ZBTB40: variants seen among roughly 807,000 people sequenced by gnomAD.
The protein encoded by ZBTB40 is zinc finger and BTB domain-containing protein 40.
Under a neutral mutation model 117.5 loss-of-function variants are expected in ZBTB40, and 60 were observed. That is an observed-to-expected ratio of 0.51 (90% CI 0.41 to 0.63). The LOEUF is 0.63. ZBTB40 is among the 30% of genes least tolerant of loss of function. ZBTB40 has a pLI of 0.00. For missense variants in ZBTB40, 1,287 were observed against 1,498.5 expected (o/e 0.86, Z 2.33); for synonymous variants, 525 against 577.1 (o/e 0.91, Z 1.29).
chr1:22,481,146 T>C (rs1638297031), intron 1 of ZBTB40, among the ~76,000 whole-genome samples: 1 of 152,116 alleles, frequency 6.6e-6, no homozygotes, highest in African/African-American at 2.4e-5. Flanking sequence ...TTTCTTTAAT[T>C]TTTTTTCAAG....
At position 22,476,789 on chromosome 1, in the gene ZBTB40, C is replaced by T. The variant is rs1204200010; in HGVS notation, c.-69-13091C>T. 3.3e-5 allele frequency among the ~76,000 whole-genome samples: 5 copies of T among 152,186 alleles called. No homozygotes were observed. The South Asian group carries it at 8.3e-4, about 25-fold the overall frequency. On this transcript the variant is annotated intron_variant, in intron 1 of 17. Coordinates refer to ENST00000375647, the MANE Select transcript of ZBTB40 (RefSeq NM_014870.4). The stretch of plus-strand genomic sequence containing the variant: ...TTCTGGTACTCTTCTGTTGCTTAAA[C>T]GTTCTTCCCATGGGACCTTTGACAA...
chr1:22,453,901 C>T (rs1640942719), intron 1 of ZBTB40, among the ~76,000 whole-genome samples: 1 of 152,162 alleles, frequency 6.6e-6, no homozygotes, highest in East Asian at 1.9e-4. Flanking sequence ...CAGGTAAATA[C>T]CAAGTAAACA....
chr1:22,487,599 A>G (rs1036600127), intron 1 of ZBTB40, among the ~76,000 whole-genome samples: 2 of 151,818 alleles, frequency 1.3e-5, no homozygotes, highest in South Asian at 4.2e-4. Context: ...TGACAGCTAT[A>G]CTTTGCAATG....
chr1:22,525,573 T>C (rs1639654101), intron 17 of ZBTB40, among the ~76,000 whole-genome samples: 1 of 152,102 alleles, frequency 6.6e-6, no homozygotes. Context: ...TCTCTCTCAG[T>C]TGGAAAGGTG....
intron 1 of ZBTB40, among the ~76,000 whole-genome samples, chr1:22,483,258 A>G (rs1638376801): frequency 6.6e-6 from 1 of 152,322 alleles, no homozygotes. Flanking sequence ...CTTTATAAGT[A>G]TCATGTGTAG....
chr1:22,523,269 G>C (rs965984033), intron 16 of ZBTB40, among the ~76,000 whole-genome samples: 1 of 152,048 alleles, frequency 6.6e-6, no homozygotes, highest in Admixed American at 6.5e-5. Flanking sequence ...CCATTTTTAA[G>C]GAACTATTAA....
chr1:22,517,526 A>G, intron 13 of ZBTB40, 62 bp downstream of exon 13: 3 of 1,571,436 alleles, frequency 1.9e-6, no homozygotes, highest in Admixed American at 1.7e-5. Flanking sequence ...AAGCGTGTCA[A>G]TTGCAGCAGA....
chr1:22,521,711 T>C, intron 15 of ZBTB40, 53 bp downstream of exon 15: 1 of 1,610,390 alleles, frequency 6.2e-7, no homozygotes, highest in Non-Finnish European at 8.5e-7. Flanking sequence ...TGGTGTAGCC[T>C]CCTGGGCCCC....
intron 17 of ZBTB40, among the ~76,000 whole-genome samples, chr1:22,524,682 C>T (rs924437240): frequency 1.3e-5 from 2 of 152,206 alleles, no homozygotes; most frequent in Admixed American, 1.3e-4. Flanking sequence ...CTTGGTTCCT[C>T]CTCCCAGTGC....
At chr1:22,431,384 G>GTATATATATATATATATATATA (rs59021263) in intron 1 of ZBTB40, among the ~76,000 whole-genome samples, 4 of 119,708 alleles carry the variant, frequency 3.3e-5, no homozygotes, top group South Asian at 2.5e-4. Context: ...GTGTGTGTGT[G>GTATATATATATATATATATATA]TATATATATA....
chr1:22,512,033 A>T lies in ZBTB40; in HGVS notation c.2360A>T (p.Glu787Val). 1 of 1,614,186 alleles carries T rather than the reference A, an allele frequency of 6.2e-7. No individual in the cohort carries two copies. Among genetic ancestry groups the T allele is most frequent in the Non-Finnish European group, 8.5e-7 (1 of 1,180,040 alleles). Reference protein sequence around the residue: ...SKKELDKHQLEAHGAGGEPDA... With the variant: ...SKKELDKHQLVAHGAGGEPDA... ...AAAGAGCTGGACAAACATCAGCTGGAGGCCCATGGTGCAGGTGGAGAGCCC... is the reference window on the plus strand; with the variant it reads ...AAAGAGCTGGACAAACATCAGCTGGTGGCCCATGGTGCAGGTGGAGAGCCC... The change falls in exon 11 of 18, where the codon GAG becomes GTG. Residue 787 changes from glutamate to valine, a missense_variant. Coordinates refer to ENST00000375647, the MANE Select transcript of ZBTB40 (RefSeq NM_014870.4).
In ZBTB40 at chr1:22,444,709, T is replaced by G. The variant is rs12118600; in HGVS notation, c.-70+15695T>G. ...CCAAGTGCTGGCAGGCCACTGCTCA[T>G]GCAGACAGCCCACCCCAATGGAAGA... On this transcript the variant is annotated intron_variant, in intron 1 of 8. Transcript: ENST00000650433. Among the ~76,000 whole-genome samples, 588 of 152,302 alleles carry G rather than the reference T, an allele frequency of 3.9e-3. 3 individuals carry two copies. The highest frequency in any genetic ancestry group is 6.3e-3 in the Non-Finnish European group (431 of 68,022).
At chr1:22,460,359 T>A (rs1641102970) in intron 1 of ZBTB40, among the ~76,000 whole-genome samples, 1 of 152,200 alleles carries the variant, frequency 6.6e-6, no homozygotes, top group Non-Finnish European at 1.5e-5. Flanking sequence ...AAAACTTTTT[T>A]AAAAGTTCTG....
At chr1:22,524,512 C>T (rs1312211318) in intron 17 of ZBTB40, 68 bp downstream of exon 17, 14 of 1,523,406 alleles carry the variant, frequency 9.2e-6, no homozygotes, top group East Asian at 2.3e-5. Context: ...CTAGAGGTGG[C>T]TCTGTCATAG....
chr1:22,461,205 A>G (rs1223793829), intron 1 of ZBTB40, among the ~76,000 whole-genome samples: 1 of 152,190 alleles, frequency 6.6e-6, no homozygotes, highest in Admixed American at 6.5e-5. Flanking sequence ...TCTAGACACA[A>G]GCTGCTCATT....
At chr1:22,483,043 C>T (rs1228370616) in intron 1 of ZBTB40, among the ~76,000 whole-genome samples, 1 of 149,872 alleles carries the variant, frequency 6.7e-6, no homozygotes, top group Admixed American at 6.7e-5. Flanking sequence ...CACGCCACTG[C>T]ACTCCAGCCC....
intron 1 of ZBTB40, among the ~76,000 whole-genome samples, chr1:22,475,312 T>C (rs892508140): frequency 2.0e-5 from 3 of 152,228 alleles, no homozygotes; most frequent in African/African-American, 7.2e-5. Context: ...AAAGCAGGCA[T>C]TTAAGTTCCT....
chr1:22,457,968 T>C lies in ZBTB40; in HGVS notation c.-70+5964T>C, dbSNP rs569690347. ...GTGAATTTGCCATCTTTCTTCCACCTGGTACTTCTCCCTGGTTCTTAGGCT... is the reference window on the plus strand; with the variant it reads ...GTGAATTTGCCATCTTTCTTCCACCCGGTACTTCTCCCTGGTTCTTAGGCT... On this transcript the variant is annotated intron_variant, in intron 1 of 17. Transcript: ENST00000375647. Among the ~76,000 whole-genome samples the C allele has an allele frequency of 1.8e-4, 28 of 152,358 alleles. No individual in the cohort carries two copies. The South Asian group carries it at 5.8e-3, about 32-fold the overall frequency.
chr1:22,516,185 T>TG (rs1200955922), intron 12 of ZBTB40, among the ~76,000 whole-genome samples: 1 of 151,954 alleles, frequency 6.6e-6, no homozygotes, highest in African/African-American at 2.4e-5. Context: ...ATGGTGGCTG[T>TG]GGGGGTGATG....
Sources: gnomAD v4.1 joint callset for allele counts (sites outside exome capture counted in the v4.1 genomes callset) on GRCh38, gnomAD v4.1.1 for gene constraint, MANE v1.5 for transcripts, NCBI Gene and HGNC (gene_info 2026-07-23, HGNC 2026-07-21) for gene names.